Variants in PLAG1 observed in about 807,000 individuals in gnomAD.
The protein encoded by PLAG1 is zinc finger protein PLAG1.
PLAG1 carries 7 observed loss-of-function variants against 35.5 expected under a neutral mutation model. The ratio of observed to expected loss-of-function variants is 0.20; its 90% CI spans 0.11 to 0.37. PLAG1 has a LOEUF of 0.37. Ranked by LOEUF, PLAG1 falls within the 10% of genes least tolerant of loss-of-function variation. PLAG1 has a pLI of 1.00. For synonymous variants in PLAG1, 229 were observed against 225.4 expected, an observed-to-expected ratio of 1.02 and a Z score of -0.14; for missense variants, 454 against 602.8, an observed-to-expected ratio of 0.75 and a Z score of 2.58.
intron 1 of PLAG1, among the ~76,000 whole-genome samples, chr8:56,185,353 G>C (rs1389440735): frequency 6.6e-6 from 1 of 152,102 alleles, no homozygotes; most frequent in Non-Finnish European, 1.5e-5. Context: ...CATATGGGCA[G>C]TTTATACAAT....
intron 1 of PLAG1, among the ~76,000 whole-genome samples, chr8:56,190,144 T>C (rs944536503): frequency 5.9e-5 from 9 of 152,232 alleles, no homozygotes; most frequent in Admixed American, 5.2e-4. Context: ...TACAGAGTTG[T>C]TGTGAGGAAT....
chr8:56,200,432 C>T (rs1029330282), intron 1 of PLAG1, among the ~76,000 whole-genome samples: 2 of 152,250 alleles, frequency 1.3e-5, no homozygotes, highest in African/African-American at 4.8e-5. Flanking sequence ...GCGGGCCCCG[C>T]TTCCAATGTG....
intron 1 of PLAG1, among the ~76,000 whole-genome samples, chr8:56,182,753 A>G (rs1270765114): frequency 6.6e-6 from 1 of 152,228 alleles, no homozygotes; most frequent in Non-Finnish European, 1.5e-5. Context: ...GGGAAACTCA[A>G]GATCCCAGGG....
At chr8:56,179,139 A>G (rs1421731177) in intron 2 of PLAG1, among the ~76,000 whole-genome samples, 1 of 151,680 alleles carries the variant, frequency 6.6e-6, no homozygotes, top group East Asian at 1.9e-4. Context: ...TCTGGGGAAC[A>G]GGAACAAATT....
chr8:56,175,997 C>T (rs866644765), intron 2 of PLAG1, among the ~76,000 whole-genome samples: 3 of 150,872 alleles, frequency 2.0e-5, no homozygotes, highest in Non-Finnish European at 2.9e-5. Flanking sequence ...AAAAATGCCA[C>T]GTTAAGTTAA....
intron 1 of PLAG1, among the ~76,000 whole-genome samples, chr8:56,191,469 C>T (rs1344628576): frequency 7.2e-5 from 11 of 152,154 alleles, no homozygotes; most frequent in Admixed American, 1.3e-4. Context: ...TGCGACTTTA[C>T]AAGCATTATG....
chr8:56,179,465 T>A lies in PLAG1; in HGVS notation c.-273A>T, dbSNP rs1410764750. 2.0e-6 allele frequency: 2 copies of A among 980,686 alleles called. No individual in the cohort carries two copies. The highest frequency in any genetic ancestry group is 3.5e-5 in the African/African-American group (2 of 57,122). 60.7% of individuals were successfully genotyped at this position (980,686 alleles called of 1,614,324 possible). ...ACCTTATTAATAGACCGTCACAGAATGAAGCATTCTGGGTGCCAAATACGG... is the reference window on the plus strand; with the variant it reads ...ACCTTATTAATAGACCGTCACAGAAAGAAGCATTCTGGGTGCCAAATACGG... On this transcript the variant is annotated 5_prime_UTR_variant, in exon 2 of 5. Transcript: ENST00000316981.
At chr8:56,196,957 T>TG (rs1812391626) in intron 1 of PLAG1, among the ~76,000 whole-genome samples, 1 of 109,786 alleles carries the variant, frequency 9.1e-6, no homozygotes, top group South Asian at 2.8e-4. Context: ...TGTGCGTGTG[T>TG]GTGTGTGTGT....
chr8:56,166,929 G>A lies in PLAG1; in HGVS notation c.817C>T (p.Pro273Ser). The A allele has an allele frequency of 6.2e-7, 1 of 1,614,036 alleles. No individual in the cohort carries two copies. The highest frequency in any genetic ancestry group is 8.5e-7 in the Non-Finnish European group (1 of 1,179,918). Reference protein sequence around the residue: ...KDELLPVMSLPSSELLSKPFT... With the variant: ...KDELLPVMSLSSSELLSKPFT... ...GGCTTTGATAACAGTTCACTGGAAG[G>A]TAAGGACATCACCGGAAGGAGCTCG... The change falls in exon 5 of 5, where the codon CCT becomes TCT. Residue 273 changes from proline to serine, a missense_variant. Pro to Ser is a moderately conservative substitution (Grantham distance 74, BLOSUM62 -1). Transcript: ENST00000316981.
chr8:56,163,673 G>GTGTGTGTA lies in PLAG1; in HGVS notation c.*2569_*2570insTACACACA, dbSNP rs1554531921. 2.7e-5 allele frequency: 5 copies of GTGTGTGTA among 186,430 alleles called. No homozygotes were observed. Among genetic ancestry groups the GTGTGTGTA allele is most frequent in the African/African-American group, 1.2e-4 (5 of 41,500 alleles). 11.5% of individuals were successfully genotyped at this position (186,430 alleles called of 1,614,324 possible). A position where few individuals can be genotyped will look rare whatever the true frequency, so the allele number is the denominator to read the frequency against. ...AAGATTTAAGTATGTGTGTGTGTGT[G>GTGTGTGTA]TATATATACACACACACACACACAC... On this transcript the variant is annotated 3_prime_UTR_variant, in exon 5 of 5. Coordinates refer to ENST00000316981, the MANE Select transcript of PLAG1 (RefSeq NM_002655.3).
At chr8:56,184,948 GAAAAAC>G (rs963525933) in intron 1 of PLAG1, among the ~76,000 whole-genome samples, 23 of 152,122 alleles carry the variant, frequency 1.5e-4, no homozygotes, top group African/African-American at 5.1e-4. Flanking sequence ...CTGTGTCTCA[GAAAAAC>G]AAAAACAAAA....
At chr8:56,184,578 C>T (rs756720801) in intron 1 of PLAG1, among the ~76,000 whole-genome samples, 2 of 152,098 alleles carry the variant, frequency 1.3e-5, no homozygotes, top group Non-Finnish European at 1.5e-5. Context: ...AGATGCAACC[C>T]GAAGGTCTAT....
At chr8:56,189,850 A>G (rs1812132596) in intron 1 of PLAG1, among the ~76,000 whole-genome samples, 1 of 152,152 alleles carries the variant, frequency 6.6e-6, no homozygotes, top group South Asian at 2.1e-4. Context: ...CTAGGGTAGA[A>G]ATGCTTATTC....
intron 1 of PLAG1, among the ~76,000 whole-genome samples, chr8:56,197,615 GCA>G (rs1812420188): frequency 1.3e-5 from 2 of 152,192 alleles, no homozygotes; most frequent in Admixed American, 6.5e-5. Flanking sequence ...ACACATACCT[GCA>G]CAGACAGATA....
rs998427765 is a variant in PLAG1, at chr8:56,161,773, T to A, written c.*4470A>T. 3.5e-5 allele frequency: 8 copies of A among 229,800 alleles called. No homozygotes were observed. The highest frequency in any genetic ancestry group is 2.3e-4 in the Admixed American group (4 of 17,662). 14.2% of individuals were successfully genotyped at this position (229,800 alleles called of 1,614,324 possible). A position where few individuals can be genotyped will look rare whatever the true frequency, so the allele number is the denominator to read the frequency against. ...TGAGACAGAGAAGTTTGTAGCACCA[T>A]GAAGAGTTGTAGCCCAAGTTACATT... On this transcript the variant is annotated 3_prime_UTR_variant, in exon 5 of 5. Transcript: ENST00000316981.
In PLAG1 at chr8:56,168,144, G is replaced by T; in HGVS notation, c.126C>A (p.Ala42=). 1.4e-5 allele frequency: 23 copies of T among 1,613,172 alleles called. No individual in the cohort carries two copies. The highest frequency in any genetic ancestry group is 2.0e-5 in the Non-Finnish European group (23 of 1,179,174). Residue 42 remains alanine, a synonymous_variant, in exon 4 of 5, where the codon GCC becomes GCA. Transcript: ENST00000316981. ...CCTTTAATTTCTCAACACTGTTAAA[G>T]GCCTTGTCACACAGTTGGCAAGGAA... The part of the protein sequence containing the change: ...KNFPCQLCDK[A]FNSVEKLKVH...
chr8:56,169,575 G>A (rs1168343150), intron 3 of PLAG1, among the ~76,000 whole-genome samples: 1 of 152,110 alleles, frequency 6.6e-6, no homozygotes, highest in Non-Finnish European at 1.5e-5. Context: ...GTCTCACTCT[G>A]TCACCCAGGC....
chr8:56,197,108 G>T (rs1048633483), intron 1 of PLAG1, among the ~76,000 whole-genome samples: 20 of 151,892 alleles, frequency 1.3e-4, no homozygotes, highest in Admixed American at 1.2e-3. Context: ...CTCGCTGGGG[G>T]TCTTTCTCTC....
Position 56,162,724 on chromosome 8 carries a change from T to A in PLAG1, c.*3519A>T, listed in dbSNP as rs904904130. The A allele has an allele frequency of 9.5e-6, 2 of 210,698 alleles. No homozygotes were observed. The highest frequency in any genetic ancestry group is 1.9e-5 in the Non-Finnish European group (2 of 103,528). The allele number at this position is 210,698 out of a possible 1,614,324, so 13.1% of individuals were successfully genotyped here. ...CACTAGATGAACGATCCTGAAAATA[T>A]GTACTCTTTAACATTCATTATTAGC... On this transcript the variant is annotated 3_prime_UTR_variant, in exon 5 of 5. Coordinates refer to ENST00000316981, the MANE Select transcript of PLAG1 (RefSeq NM_002655.3).
Sources: gnomAD v4.1 joint callset for allele counts (sites outside exome capture counted in the v4.1 genomes callset) on GRCh38, gnomAD v4.1.1 for gene constraint, MANE v1.5 for transcripts, NCBI Gene and HGNC (gene_info 2026-07-23, HGNC 2026-07-21) for gene names.